NUSAP1: variants seen among roughly 807,000 people sequenced by gnomAD.
NUSAP1 encodes the protein nucleolar and spindle-associated protein 1.
NUSAP1 carries 32 observed loss-of-function variants against 52.8 expected under a neutral mutation model. That is an observed-to-expected ratio of 0.61 (90% CI 0.46 to 0.81). The LOEUF (loss-of-function observed/expected upper bound fraction) is 0.81. Ranked by LOEUF, NUSAP1 falls within the 40% of genes least tolerant of loss-of-function variation. The pLI is 0.00. For synonymous variants in NUSAP1, 195 were observed against 183.1 expected, an observed-to-expected ratio of 1.06 and a Z score of -0.52; for missense variants, 499 against 522.3, an observed-to-expected ratio of 0.96 and a Z score of 0.43.
chr15:41,348,913 G>A (rs1051329323), intron 2 of NUSAP1, among the ~76,000 whole-genome samples, 185 bp from the exon 3 acceptor site: 1 of 152,186 alleles, frequency 6.6e-6, no homozygotes, highest in African/African-American at 2.4e-5. Context: ...GATTACAGGC[G>A]TGAGCCACTG....
At position 41,332,927 on chromosome 15, in the gene NUSAP1, C is replaced by T. The variant is rs533748199; in HGVS notation, c.-31C>T. On this transcript the variant is annotated 5_prime_UTR_variant, in exon 1 of 11. Coordinates refer to ENST00000559596, the MANE Select transcript of NUSAP1 (RefSeq NM_016359.5). ...GCGCTGACGAAGTTTGGTGATCCAT[C>T]TTCCGAGTATCGCCGGGATTTCGAA... 1.0e-5 allele frequency: 16 copies of T among 1,552,714 alleles called. No individual in the cohort carries two copies. In the East Asian group the frequency reaches 3.4e-4, roughly 33 times the overall value.
chr15:41,354,905 A>G (rs1253261207), intron 4 of NUSAP1, among the ~76,000 whole-genome samples: 1 of 151,160 alleles, frequency 6.6e-6, no homozygotes, highest in African/African-American at 2.4e-5. Flanking sequence ...CTATAGTCCC[A>G]GCTACTCGGG....
intron 5 of NUSAP1, 141 bp downstream of exon 5, chr15:41,356,281 A>G: frequency 3.0e-6 from 2 of 661,702 alleles, no homozygotes; most frequent in South Asian, 1.7e-5. Context: ...ATCTTGGGGA[A>G]CTTACTCATC....
At chr15:41,359,245 C>T (rs970927549) in intron 6 of NUSAP1, among the ~76,000 whole-genome samples, 2 of 152,186 alleles carry the variant, frequency 1.3e-5, no homozygotes, top group Non-Finnish European at 2.9e-5. Context: ...GCTGGGATTA[C>T]AGGTGTGAGC....
At chr15:41,376,361 T>C (rs1281355340) in intron 9 of NUSAP1, among the ~76,000 whole-genome samples, 1 of 151,536 alleles carries the variant, frequency 6.6e-6, no homozygotes, top group African/African-American at 2.4e-5. Context: ...ATTGCACCAC[T>C]ACACTCCAGC....
chr15:41,346,639 C>G lies in NUSAP1; in HGVS notation c.163-2459C>G, dbSNP rs577652140. ...GTCAAGAGATCAAAACCATCCTGGC[C>G]AAAATGGTGAAACCCCATCTTTACT... On this transcript the variant is annotated intron_variant, in intron 2 of 10. Transcript: ENST00000559596. Among the ~76,000 whole-genome samples the G allele has an allele frequency of 8.2e-4, 124 of 151,260 alleles. 2 individuals are homozygous for G. The highest frequency in any genetic ancestry group is 1.8e-4 in the Non-Finnish European group (12 of 67,862).
chr15:41,336,999 CTTTTTTTTTTT>C (rs201223527), intron 1 of NUSAP1, among the ~76,000 whole-genome samples: 4 of 65,826 alleles, frequency 6.1e-5, no homozygotes, highest in Admixed American at 2.1e-4. Context: ...CTTTCCTTTT[CTTTTTTTTTTT>C]TTTTTTTTTT....
At chr15:41,363,333 C>T (rs1451703939) in intron 6 of NUSAP1, among the ~76,000 whole-genome samples, 2 of 149,074 alleles carry the variant, frequency 1.3e-5, no homozygotes, top group African/African-American at 2.5e-5. Context: ...GTGTCTCTCT[C>T]TCTCTCTATA....
intron 1 of NUSAP1, among the ~76,000 whole-genome samples, chr15:41,341,872 C>G (rs10851404): frequency 0.66 from 100,080 of 152,080 alleles, 35,213 homozygotes; most frequent in African/African-American, 0.9. Flanking sequence ...GGTAACATCA[C>G]GGCCCTGCTC....
chr15:41,378,380 G>A (rs978713780), intron 10 of NUSAP1, among the ~76,000 whole-genome samples: 1 of 152,180 alleles, frequency 6.6e-6, no homozygotes, highest in East Asian at 1.9e-4. Flanking sequence ...CTCATCCTGG[G>A]TTGCAGCAAG....
intron 7 of NUSAP1, 110 bp downstream of exon 7, chr15:41,365,699 G>T: frequency 3.1e-6 from 2 of 653,454 alleles, no homozygotes; most frequent in Non-Finnish European, 4.7e-6. Context: ...AGGGTACATA[G>T]TGATGTTTCT....
chr15:41,349,724 G>A (rs908742750), intron 3 of NUSAP1, among the ~76,000 whole-genome samples: 12 of 147,352 alleles, frequency 8.1e-5, no homozygotes, highest in African/African-American at 3.0e-4. Flanking sequence ...TTATTCAAAT[G>A]TAATTTTTAC....
At chr15:41,371,727 G>A in intron 8 of NUSAP1, 43 bp downstream of exon 8, 1 of 1,553,670 alleles carries the variant, frequency 6.4e-7, no homozygotes, top group East Asian at 2.3e-5. Context: ...TCATTTTTAA[G>A]CCATGTAACT....
At chr15:41,346,853 A>C (rs1033487009) in intron 2 of NUSAP1, among the ~76,000 whole-genome samples, 2 of 148,256 alleles carry the variant, frequency 1.3e-5, no homozygotes, top group African/African-American at 5.0e-5. Flanking sequence ...ATAAATAAAT[A>C]AATAAATAAA....
At chr15:41,349,416 C>A in intron 3 of NUSAP1, 175 bp downstream of exon 3, 1 of 568,464 alleles carries the variant, frequency 1.8e-6, no homozygotes, top group Non-Finnish European at 3.1e-6. Context: ...CATCCCAGGG[C>A]TTGGGCCTCA....
chr15:41,334,857 T>C (rs1196915513), intron 1 of NUSAP1, among the ~76,000 whole-genome samples: 1 of 152,164 alleles, frequency 6.6e-6, no homozygotes, highest in Non-Finnish European at 1.5e-5. Context: ...CCATATCAAG[T>C]ATTTATATGT....
Position 41,342,403 on chromosome 15 carries a change from A to C in NUSAP1, c.111A>C (p.Lys37Asn). ...TCTTGCAGGCAACCAAGTTGTTAAA[A>C]GCCTTGAAAGGCTACATTAAACATG... is the stretch of plus-strand genomic sequence containing the variant. ...RANLRATKLLKALKGYIKHEA... is the reference protein window; with the variant it reads ...RANLRATKLLNALKGYIKHEA... Residue 37 changes from lysine to asparagine, a missense_variant, in exon 2 of 11, where the codon AAA becomes AAC. Physicochemically the swap from Lys to Asn is moderately conservative, Grantham distance 94. Transcript: ENST00000559596. 1 of 1,594,184 alleles carries C rather than the reference A, an allele frequency of 6.3e-7. No homozygotes were observed. The highest frequency in any genetic ancestry group is 8.5e-7 in the Non-Finnish European group (1 of 1,169,606).
intron 6 of NUSAP1, among the ~76,000 whole-genome samples, chr15:41,363,611 G>A (rs2049273998): frequency 6.6e-6 from 1 of 151,896 alleles, no homozygotes; most frequent in African/African-American, 2.4e-5. Flanking sequence ...AGGCTCAAGC[G>A]GTCCCCCCTC....
intron 7 of NUSAP1, among the ~76,000 whole-genome samples, chr15:41,367,131 C>A (rs73404994): frequency 5.9e-5 from 9 of 152,136 alleles, no homozygotes; most frequent in African/African-American, 1.7e-4. Flanking sequence ...GGCTGGCCTT[C>A]GGGCATGTCT....
Sources: gnomAD v4.1 joint callset for allele counts (sites outside exome capture counted in the v4.1 genomes callset) on GRCh38, gnomAD v4.1.1 for gene constraint, MANE v1.5 for transcripts, NCBI Gene and HGNC (gene_info 2026-07-23, HGNC 2026-07-21) for gene names.